Variants in FGF5 observed in about 807,000 individuals in gnomAD.
FGF5 encodes the protein fibroblast growth factor 5, also known as heparin-binding growth factor 5.
FGF5 carries 23 observed loss-of-function variants against 21.8 expected under a neutral mutation model. That is an observed-to-expected ratio of 1.05 (90% CI 0.76 to 1.49). The LOEUF is 1.49. Ranked by LOEUF, FGF5 falls within the 40% of genes most tolerant of loss-of-function variation. The pLI, the probability that FGF5 is intolerant of heterozygous loss-of-function variation, is 0.00. For missense variants in FGF5, 352 were observed against 332.9 expected (o/e 1.06, Z -0.45); for synonymous variants, 158 against 124.0 (o/e 1.27, Z -1.82).
intron 2 of FGF5, among the ~76,000 whole-genome samples, chr4:80,275,818 G>A (rs148577691): frequency 6.6e-6 from 1 of 151,814 alleles, no homozygotes; most frequent in Non-Finnish European, 1.5e-5. Flanking sequence ...TTTTTCTCTG[G>A]CATACTTATT....
In FGF5 at chr4:80,266,752, C is replaced by T. The variant is rs1720098536; in HGVS notation, c.-73C>T. The T allele has an allele frequency of 6.1e-6, 8 of 1,310,642 alleles. No homozygotes were observed. In the South Asian group the frequency reaches 8.5e-5, roughly 14 times the overall value. 81.2% of individuals were successfully genotyped at this position (1,310,642 alleles called of 1,614,324 possible). A position where few individuals can be genotyped will look rare whatever the true frequency, so the allele number is the denominator to read the frequency against. On this transcript the variant is annotated 5_prime_UTR_variant, in exon 1 of 3. In the 5' UTR this introduces an upstream ATG that the reference lacks. Coordinates refer to ENST00000312465, the MANE Select transcript of FGF5 (RefSeq NM_004464.4). Reference sequence around the variant, plus strand: ...GGCGAGGCGGGCAGAGCCAGAGGCACGCAGCCGCACAGGGGCTACAGAGCC... The same window carrying T: ...GGCGAGGCGGGCAGAGCCAGAGGCATGCAGCCGCACAGGGGCTACAGAGCC...
rs1720889234 is a variant in FGF5, at chr4:80,290,957, G to A, written c.*4285G>A. The A allele has an allele frequency of 6.6e-6, 1 of 152,054 alleles. No individual in the cohort carries two copies. Among genetic ancestry groups the A allele is most frequent in the South Asian group, 2.1e-4 (1 of 4,814 alleles). The allele number at this position is 152,054 out of a possible 1,614,324, so 9.4% of individuals were successfully genotyped here. On this transcript the variant is annotated 3_prime_UTR_variant, in exon 3 of 3. Transcript: ENST00000312465. ...CTATCATTGTTGGACATTTGGGTTG[G>A]TTCCAAGTCTTTGCTATTGTGAATA...
At chr4:80,267,977 C>G (rs942541119) in intron 1 of FGF5, among the ~76,000 whole-genome samples, 3 of 152,158 alleles carry the variant, frequency 2.0e-5, no homozygotes, top group Non-Finnish European at 2.9e-5. Context: ...TCCCCAAGAA[C>G]AGTTAGGGGA....
rs890417080 is a variant in FGF5 at position 80,286,680 on chromosome 4, C to G, written c.*8C>G. 6.2e-7 allele frequency: 1 copy of G among 1,606,032 alleles called. No individual in the cohort carries two copies. The highest frequency in any genetic ancestry group is 8.5e-7 in the Non-Finnish European group (1 of 1,173,914). ...AAGTTTCGCTTTGGATAATATTCCT[C>G]TTGGCCTTGTGAGAAACCATTCTTT... is the stretch of plus-strand genomic sequence containing the variant. On this transcript the variant is annotated 3_prime_UTR_variant, in exon 3 of 3. Transcript: ENST00000312465.
rs564711050 is a variant in FGF5, at chr4:80,286,795, C to T, written c.*123C>T. On this transcript the variant is annotated 3_prime_UTR_variant, in exon 3 of 3. Transcript: ENST00000312465. ...CTATACTTACACTGTATTGAAGTCA[C>T]GTCATTTGTTTCAATGTGACTGAAA... is the stretch of plus-strand genomic sequence containing the variant. The T allele has an allele frequency of 8.9e-5, 63 of 709,848 alleles. 2 individuals are homozygous for T. Among genetic ancestry groups the T allele is most frequent in the South Asian group, 7.0e-4 (35 of 49,734 alleles). The allele number at this position is 709,848 out of a possible 1,614,324, so 44.0% of individuals were successfully genotyped here.
At position 80,275,002 on chromosome 4, in the gene FGF5, TC is replaced by T; in HGVS notation, c.451del (p.His151MetfsTer42). Reference protein sequence around the residue: ...KFLAMSKKGKLHASAKFTDDC... With the variant: ...KFLAMSKKGKXHASAKFTDDC... ...TTAGCGATGTCAAAAAAAGGAAAAC[TC>T]CATGCAAGTGTAAGTAGAACCACTT... On this transcript the variant is annotated frameshift_variant, in exon 2 of 3. Transcript: ENST00000312465. LOFTEE classifies it high-confidence loss of function. 6.7e-7 allele frequency: 1 copy of T among 1,498,906 alleles called. No individual in the cohort carries two copies. Among genetic ancestry groups the T allele is most frequent in the Non-Finnish European group, 9.3e-7 (1 of 1,080,822 alleles). The allele number at this position is 1,498,906 out of a possible 1,614,324, so 92.9% of individuals were successfully genotyped here.
intron 1 of FGF5, among the ~76,000 whole-genome samples, chr4:80,274,425 T>C (rs1363361847): frequency 2.0e-5 from 3 of 152,040 alleles, no homozygotes; most frequent in Non-Finnish European, 4.4e-5. Flanking sequence ...CATTATAACC[T>C]TGATAATTAG....
chr4:80,286,918 G>C lies in FGF5; in HGVS notation c.*246G>C. The stretch of plus-strand genomic sequence containing the variant: ...CAAGACATAAAGCCTTTTGCTTTAT[G>C]CTTGAGGGATATTTAGAACTTTGTA... On this transcript the variant is annotated 3_prime_UTR_variant, in exon 3 of 3. Transcript: ENST00000312465. 2.6e-6 allele frequency: 1 copy of C among 391,754 alleles called. No individual in the cohort carries two copies. Among genetic ancestry groups the C allele is most frequent in the South Asian group, 7.6e-5 (1 of 13,120 alleles). The allele number at this position is 391,754 out of a possible 1,614,324, so 24.3% of individuals were successfully genotyped here. A position where few individuals can be genotyped will look rare whatever the true frequency, so the allele number is the denominator to read the frequency against.
At chr4:80,272,854 A>G (rs2109919710) in intron 1 of FGF5, among the ~76,000 whole-genome samples, 1 of 152,228 alleles carries the variant, frequency 6.6e-6, no homozygotes, top group Admixed American at 6.5e-5. Context: ...GCACATGTTT[A>G]CATAAATATT....
intron 1 of FGF5, among the ~76,000 whole-genome samples, chr4:80,274,399 G>A (rs1327613858): frequency 1.3e-5 from 2 of 151,926 alleles, no homozygotes; most frequent in South Asian, 2.1e-4. Context: ...TATGGTATAT[G>A]TTTATTTGTA....
At chr4:80,268,019 T>G (rs1232584778) in intron 1 of FGF5, among the ~76,000 whole-genome samples, 2 of 152,252 alleles carry the variant, frequency 1.3e-5, no homozygotes, top group African/African-American at 4.8e-5. Flanking sequence ...ACGCAGAGGT[T>G]AAATTTGGTA....
intron 2 of FGF5, among the ~76,000 whole-genome samples, chr4:80,280,610 A>G (rs1423282469): frequency 6.6e-6 from 1 of 152,126 alleles, no homozygotes; most frequent in Non-Finnish European, 1.5e-5. Flanking sequence ...TAGATGGATC[A>G]TTTTCTTTAC....
intron 2 of FGF5, among the ~76,000 whole-genome samples, chr4:80,278,431 G>A (rs568908208): frequency 1.1e-4 from 16 of 152,008 alleles, no homozygotes; most frequent in African/African-American, 3.6e-4. Context: ...AGAGAAGAGG[G>A]GATGTGTCTG....
At chr4:80,277,410 GAGCATTTATT>G (rs1216118265) in intron 2 of FGF5, among the ~76,000 whole-genome samples, 1 of 151,998 alleles carries the variant, frequency 6.6e-6, no homozygotes, top group Non-Finnish European at 1.5e-5. Context: ...TCTCTTATCT[GAGCATTTATT>G]AGCACTTTTC....
intron 1 of FGF5, among the ~76,000 whole-genome samples, chr4:80,269,502 G>T (rs1720208787): frequency 6.6e-6 from 1 of 152,192 alleles, no homozygotes; most frequent in African/African-American, 2.4e-5. Context: ...AGATAAACAA[G>T]ACATTGACCA....
intron 1 of FGF5, among the ~76,000 whole-genome samples, chr4:80,272,936 A>G (rs3796606): frequency 0.57 from 86,312 of 151,866 alleles, 27,448 homozygotes; most frequent in African/African-American, 0.86. Context: ...CCGTATTTCC[A>G]ATAGAAATTT....
chr4:80,274,080 T>C (rs1720341991), intron 1 of FGF5, among the ~76,000 whole-genome samples: 1 of 152,186 alleles, frequency 6.6e-6, no homozygotes, highest in Admixed American at 6.6e-5. Flanking sequence ...GTGCAGACTA[T>C]GTGTTTTATC....
chr4:80,274,314 C>A (rs571533311), intron 1 of FGF5, among the ~76,000 whole-genome samples: 1 of 152,056 alleles, frequency 6.6e-6, no homozygotes, highest in Admixed American at 6.5e-5. Context: ...TTCATTGAAC[C>A]AATAATTTCA....
intron 2 of FGF5, among the ~76,000 whole-genome samples, chr4:80,285,542 T>C (rs1242489203): frequency 6.6e-6 from 1 of 152,158 alleles, no homozygotes; most frequent in East Asian, 1.9e-4. Flanking sequence ...ATGCTGTCAT[T>C]GTACCCTCTG....
Sources: allele counts gnomAD v4.1 joint callset (sites outside exome capture counted in the v4.1 genomes callset), GRCh38; gene constraint gnomAD v4.1.1; transcripts MANE v1.5; gene names NCBI Gene and HGNC (gene_info 2026-07-23, HGNC 2026-07-21).